The following SEMA3E variants were observed in gnomAD, a reference collection of about 807,000 sequenced individuals.
The protein encoded by SEMA3E is semaphorin 3E.
SEMA3E carries 49 observed loss-of-function variants against 93.6 expected under a neutral mutation model. That is an observed-to-expected ratio of 0.52 (90% CI 0.42 to 0.66). The LOEUF (loss-of-function observed/expected upper bound fraction) is 0.66, where lower values mean the gene tolerates loss of function less well. Among genes scored for constraint, SEMA3E ranks in the 30% least tolerant of loss-of-function variants. SEMA3E has a pLI of 0.00. For synonymous variants in SEMA3E, 363 were observed against 330.7 expected (o/e 1.10, Z -1.06); for missense variants, 906 against 964.8 (o/e 0.94, Z 0.81).
intron 1 of SEMA3E, among the ~76,000 whole-genome samples, chr7:83,561,020 T>TTA (rs1584331726): frequency 1.3e-5 from 2 of 152,026 alleles, no homozygotes; most frequent in East Asian, 3.9e-4. Context: ...CCTGAAGACA[T>TTA]TATAATATGT....
In SEMA3E at chr7:83,367,567, AGTAGATAGTC is replaced by A; in HGVS notation, c.*9_*18del. 1 of 1,611,204 alleles carries A rather than the reference AGTAGATAGTC, an allele frequency of 6.2e-7. No individual in the cohort carries two copies. The highest frequency in any genetic ancestry group is 8.5e-7 in the Non-Finnish European group (1 of 1,177,366). On this transcript the variant is annotated 3_prime_UTR_variant, in exon 17 of 17. Coordinates refer to ENST00000643230, the MANE Select transcript of SEMA3E (RefSeq NM_012431.3). The stretch of plus-strand genomic sequence containing the variant: ...TCCAAATATAAATTCTTCAAAAGAC[AGTAGATAGTC>A]TCACCCCATCAGGAGTCCAGCGTGT...
intron 11 of SEMA3E, among the ~76,000 whole-genome samples, 153 bp downstream of exon 11, chr7:83,399,875 G>T (rs1255077361): frequency 6.6e-6 from 1 of 152,072 alleles, no homozygotes. Context: ...GCCACATGAG[G>T]TCTCTATTTC....
Position 83,593,260 on chromosome 7 carries a change from GTC to G in SEMA3E, c.115+55166_115+55167del, listed in dbSNP as rs1186592715. On this transcript the variant is annotated intron_variant, in intron 1 of 16. Transcript: ENST00000643230. ...TCTTTCGCTCTTTCTCTCTCTCTCTGTCTCTCTCTCTCTCTCTCTCTCTCTGT... is the reference window on the plus strand; with the variant it reads ...TCTTTCGCTCTTTCTCTCTCTCTCTGTCTCTCTCTCTCTCTCTCTCTCTGT... Among the ~76,000 whole-genome samples, 463 of 96,186 alleles carry G rather than the reference GTC, an allele frequency of 4.8e-3. 2 individuals carry two copies. The highest frequency in any genetic ancestry group is 0.011 in the African/African-American group (232 of 21,314). 63.1% of individuals were successfully genotyped at this position (96,186 alleles called of 152,430 possible).
In SEMA3E at chr7:83,396,741, C is replaced by T. The variant is rs1173113395; in HGVS notation, c.1367-12G>A. ...CACAATTCCATTATCTGTAAGAAAA[C>T]AAAACAAGAAATAAACTAGAATCTA... On this transcript the variant is annotated splice_polypyrimidine_tract_variant and intron_variant, in intron 11 of 16. Transcript: ENST00000643230. 1 of 1,552,356 alleles carries T rather than the reference C, an allele frequency of 6.4e-7. No individual in the cohort carries two copies. The highest frequency in any genetic ancestry group is 1.1e-5 in the South Asian group (1 of 89,648).
intron 1 of SEMA3E, among the ~76,000 whole-genome samples, chr7:83,523,452 T>C (rs1192220576): frequency 6.6e-6 from 1 of 152,138 alleles, no homozygotes; most frequent in Non-Finnish European, 1.5e-5. Flanking sequence ...AATATGGTTT[T>C]TCAGTCTCAC....
intron 12 of SEMA3E, among the ~76,000 whole-genome samples, chr7:83,395,228 T>C (rs1297938634): frequency 6.6e-6 from 1 of 152,158 alleles, no homozygotes; most frequent in Non-Finnish European, 1.5e-5. Context: ...TGAAATCTTA[T>C]GTAGAGTCCC....
At chr7:83,615,218 T>C (rs1483735899) in intron 1 of SEMA3E, among the ~76,000 whole-genome samples, 1 of 152,176 alleles carries the variant, frequency 6.6e-6, no homozygotes, top group Non-Finnish European at 1.5e-5. Flanking sequence ...TCTCAACAGG[T>C]AACCTGAAAT....
chr7:83,584,510 C>T (rs962350132), intron 1 of SEMA3E, among the ~76,000 whole-genome samples: 8 of 152,062 alleles, frequency 5.3e-5, no homozygotes, highest in Non-Finnish European at 8.8e-5. Context: ...ATTTCTCAGT[C>T]AGTTTGTATA....
At chr7:83,453,321 ATTT>A (rs976559727) in intron 4 of SEMA3E, among the ~76,000 whole-genome samples, 3 of 151,662 alleles carry the variant, frequency 2.0e-5, no homozygotes, top group Non-Finnish European at 4.4e-5. Context: ...TGAGCTGGAT[ATTT>A]ATTGGGTAGC....
At chr7:83,503,615 T>A (rs1436802150) in intron 1 of SEMA3E, among the ~76,000 whole-genome samples, 2 of 152,178 alleles carry the variant, frequency 1.3e-5, no homozygotes, top group Non-Finnish European at 2.9e-5. Flanking sequence ...CTAGATGGTA[T>A]AGCCTACTGC....
intron 4 of SEMA3E, among the ~76,000 whole-genome samples, chr7:83,429,902 A>G (rs1788847934): frequency 6.6e-6 from 1 of 152,208 alleles, no homozygotes; most frequent in Admixed American, 6.5e-5. Context: ...GCTGGAAAAA[A>G]AAAATGACTT....
chr7:83,460,719 ACCTCTTGTATCTCTGTGCCCCGG>A (rs1453014228), intron 4 of SEMA3E, among the ~76,000 whole-genome samples: 3 of 145,240 alleles, frequency 2.1e-5, no homozygotes, highest in Admixed American at 6.9e-5. Flanking sequence ...CTGCGCCCCG[ACCTCTTGTATCTCTGTGCCCCGG>A]CCCCTTATCT....
chr7:83,493,328 C>T (rs962227399), intron 1 of SEMA3E, among the ~76,000 whole-genome samples: 2 of 151,756 alleles, frequency 1.3e-5, no homozygotes, highest in Non-Finnish European at 2.9e-5. Flanking sequence ...ACAACTTTTG[C>T]TCTGACTCTA....
At chr7:83,463,236 G>C (rs1789669652) in intron 4 of SEMA3E, among the ~76,000 whole-genome samples, 1 of 151,770 alleles carries the variant, frequency 6.6e-6, no homozygotes, top group African/African-American at 2.4e-5. Context: ...ACAAGAGCCA[G>C]GACCACACCC....
At chr7:83,550,148 G>A (rs773766452) in intron 1 of SEMA3E, among the ~76,000 whole-genome samples, 11 of 152,064 alleles carry the variant, frequency 7.2e-5, no homozygotes, top group Admixed American at 1.3e-4. Flanking sequence ...AATCTGCTTC[G>A]ATATTAAACA....
rs373961577 is a variant in SEMA3E at position 83,539,649 on chromosome 7, C to G, written c.116-49375G>C. On this transcript the variant is annotated intron_variant, in intron 1 of 16. Transcript: ENST00000643230. ...TTTTGCTGCGAAATCCTTTCTTATGCTTTTTCCTAATGTCATCACTGCCAT... is the reference window on the plus strand; with the variant it reads ...TTTTGCTGCGAAATCCTTTCTTATGGTTTTTCCTAATGTCATCACTGCCAT... 5.9e-5 allele frequency among the ~76,000 whole-genome samples: 9 copies of G among 152,132 alleles called. 1 individual carries two copies. The highest frequency in any genetic ancestry group is 6.5e-5 in the Admixed American group (1 of 15,270).
chr7:83,497,650 C>T (rs541272637), intron 1 of SEMA3E, among the ~76,000 whole-genome samples: 7 of 152,248 alleles, frequency 4.6e-5, no homozygotes, highest in African/African-American at 1.7e-4. Flanking sequence ...GAAACAGATT[C>T]GTAAAGAAAT....
At chr7:83,393,733 T>C (rs1206419636) in intron 13 of SEMA3E, among the ~76,000 whole-genome samples, 1 of 152,178 alleles carries the variant, frequency 6.6e-6, no homozygotes, top group Non-Finnish European at 1.5e-5. Context: ...GGGCAATATA[T>C]GCAACAACTG....
At chr7:83,562,719 T>C (rs755403610) in intron 1 of SEMA3E, among the ~76,000 whole-genome samples, 1 of 151,974 alleles carries the variant, frequency 6.6e-6, no homozygotes, top group Non-Finnish European at 1.5e-5. Context: ...AAGTGGCTGT[T>C]TGCAAATTAT....
Sources: allele counts gnomAD v4.1 joint callset (sites outside exome capture counted in the v4.1 genomes callset), GRCh38; gene constraint gnomAD v4.1.1; transcripts MANE v1.5; gene names NCBI Gene and HGNC (gene_info 2026-07-23, HGNC 2026-07-21).